Variants in CAPN8 observed in about 807,000 individuals in gnomAD.
The protein encoded by CAPN8 is calpain 8.
In CAPN8, 87 loss-of-function variants were observed where a neutral mutation model predicts 80.9. That is an observed-to-expected ratio of 1.07 (90% CI 0.90 to 1.28). The LOEUF is 1.28. Ranked by LOEUF, CAPN8 falls within the 50% of genes most tolerant of loss-of-function variation. CAPN8 has a pLI of 0.00. For synonymous variants in CAPN8, 299 were observed against 273.8 expected (o/e 1.09, Z -0.91); for missense variants, 757 against 702.0 (o/e 1.08, Z -0.89).
At chr1:223,654,504 C>T (rs757268096) in intron 1 of CAPN8, 105 bp from the exon 2 acceptor site, 2 of 996,644 alleles carry the variant, frequency 2.0e-6, no homozygotes, top group Non-Finnish European at 3.1e-6. Flanking sequence ...GGAAGAAACC[C>T]AGGATTGTCT....
Position 223,612,242 on chromosome 1 carries a change from A to G in CAPN8, c.1323+4T>C, listed in dbSNP as rs1657046947. ...GGAAGGAATCTCTGTCAGCACTCAC[A>G]TACCTCCTTGGGAACCTGTGGGGCA... On this transcript the variant is annotated splice_donor_region_variant and intron_variant, in intron 11 of 20. Transcript: ENST00000366872. 1 of 1,234,260 alleles carries G rather than the reference A, an allele frequency of 8.1e-7. No individual in the cohort carries two copies. Among genetic ancestry groups the G allele is most frequent in the Non-Finnish European group, 1.0e-6 (1 of 988,090 alleles). The allele number at this position is 1,234,260 out of a possible 1,614,324, so 76.5% of individuals were successfully genotyped here.
chr1:223,623,000 G>T, intron 6 of CAPN8, 100 bp from the exon 7 acceptor site: 1 of 886,918 alleles, frequency 1.1e-6, no homozygotes, highest in Non-Finnish European at 1.8e-6. Context: ...TTTTTCAAAT[G>T]TCCCTAAAGG....
chr1:223,619,441 T>A lies in CAPN8; in HGVS notation c.987A>T (p.Ser329=). The stretch of plus-strand genomic sequence containing the variant: ...ACCGAGAGAACTGCCTCACGAAATC[T>A]GAAAGTGACATCCTGGGGCAGAGGC... The part of the protein sequence containing the change: ...VEDGEFWMSL[S]DFVRQFSRLE... Residue 329 remains serine, a synonymous_variant, in exon 9 of 21, where the codon TCA becomes TCT. Coordinates refer to ENST00000366872, the MANE Select transcript of CAPN8 (RefSeq NM_001143962.2). 1 of 1,551,338 alleles carries A rather than the reference T, an allele frequency of 6.4e-7. No individual in the cohort carries two copies. Among genetic ancestry groups the A allele is most frequent in the African/African-American group, 1.4e-5 (1 of 73,038 alleles).
At chr1:223,545,865 C>G (rs1253455160) in intron 16 of CAPN8, among the ~76,000 whole-genome samples, 2 of 144,716 alleles carry the variant, frequency 1.4e-5, no homozygotes, top group Non-Finnish European at 3.0e-5. Flanking sequence ...TCTCTGTCGC[C>G]CAGGCTGGAG....
At chr1:223,653,835 A>G (rs1658405963) in intron 2 of CAPN8, among the ~76,000 whole-genome samples, 1 of 152,210 alleles carries the variant, frequency 6.6e-6, no homozygotes, top group South Asian at 2.1e-4. Flanking sequence ...GGAATATGAT[A>G]AGTTCAGAAA....
At position 223,648,545 on chromosome 1, in the gene CAPN8, G is replaced by A. The variant is rs190960356; in HGVS notation, c.307+5785C>T. 1.4e-3 allele frequency among the ~76,000 whole-genome samples: 217 copies of A among 152,310 alleles called. 3 individuals carry two copies. Among genetic ancestry groups the A allele is most frequent in the Admixed American group, 3.8e-3 (58 of 15,298 alleles). On this transcript the variant is annotated intron_variant, in intron 2 of 20. Transcript: ENST00000366872. The stretch of plus-strand genomic sequence containing the variant: ...CCAGTTACTGACTAGCGGTGTGCAT[G>A]CCAGGCCCCTGTTCCAGGAGCCCAG...
At chr1:223,649,725 A>G (rs1028053225) in intron 2 of CAPN8, among the ~76,000 whole-genome samples, 2 of 152,224 alleles carry the variant, frequency 1.3e-5, no homozygotes, top group African/African-American at 4.8e-5. Context: ...GATTTAGGCT[A>G]TCTGTGTTTT....
chr1:223,654,827 C>G lies in CAPN8; in HGVS notation c.238-428G>C, dbSNP rs986902719. Among the ~76,000 whole-genome samples, 4 of 150,644 alleles carry G rather than the reference C, an allele frequency of 2.7e-5. No individual in the cohort carries two copies. In the East Asian group the frequency reaches 7.8e-4, roughly 29 times the overall value. ...CATAGCTGGGATTACAGGCACGTGC[C>G]ACCACACCCGGCTAATTTTTTTTTT... On this transcript the variant is annotated intron_variant, in intron 1 of 20. Transcript: ENST00000366872.
chr1:223,628,892 A>G (rs1657686669), intron 2 of CAPN8, 112 bp from the exon 3 acceptor site: 1 of 749,712 alleles, frequency 1.3e-6, no homozygotes. Flanking sequence ...TTCCCTTCTG[A>G]GTCAGGTAGA....
chr1:223,542,364 A>G (rs993148716), intron 20 of CAPN8, among the ~76,000 whole-genome samples: 1 of 152,102 alleles, frequency 6.6e-6, no homozygotes, highest in African/African-American at 2.4e-5. Flanking sequence ...GTTCCACACT[A>G]TTGTCCAGGT....
intron 1 of CAPN8, among the ~76,000 whole-genome samples, chr1:223,659,658 T>G (rs184531450): frequency 1.3e-5 from 2 of 152,334 alleles, no homozygotes; most frequent in East Asian, 3.9e-4. Context: ...TCCCATACAT[T>G]GTGTTCATAT....
At chr1:223,544,690 T>C in intron 18 of CAPN8, 82 bp downstream of exon 18, 2 of 1,527,990 alleles carry the variant, frequency 1.3e-6, no homozygotes, top group Non-Finnish European at 8.8e-7. Context: ...ATGATGATCA[T>C]TAGCAATCAT....
rs369818393 is a variant in CAPN8 at position 223,544,919 on chromosome 1, A to T, written c.1834-69T>A. ...GCCCCTGCCAGAACCATCTCCCTCC[A>T]CCACACTGCTTTCTCAAAAGGCCAG... On this transcript the variant is annotated intron_variant, in intron 17 of 20. Coordinates refer to ENST00000366872, the MANE Select transcript of CAPN8 (RefSeq NM_001143962.2). 69 of 1,547,966 alleles carry T rather than the reference A, an allele frequency of 4.5e-5. No homozygotes were observed. The East Asian group carries it at 1.6e-3, about 37-fold the overall frequency.
chr1:223,644,614 G>A (rs1402125493), intron 2 of CAPN8, among the ~76,000 whole-genome samples: 2 of 152,198 alleles, frequency 1.3e-5, no homozygotes, highest in African/African-American at 2.4e-5. Context: ...GGTAAATCCT[G>A]TAAAGAAACC....
At chr1:223,622,521 G>A (rs1017501728) in intron 7 of CAPN8, 6 of 433,734 alleles carry the variant, frequency 1.4e-5, no homozygotes, top group East Asian at 4.5e-5. Context: ...GGACCAGCAC[G>A]GTGCGTCAGG....
chr1:223,615,359 C>T (rs1475541915), intron 10 of CAPN8, among the ~76,000 whole-genome samples: 1 of 152,216 alleles, frequency 6.6e-6, no homozygotes, highest in Non-Finnish European at 1.5e-5. Context: ...CTTGCTTTAA[C>T]ATATCTGTGA....
At chr1:223,544,874 G>T in intron 17 of CAPN8, 24 bp from the exon 18 acceptor site, 2 of 1,551,446 alleles carry the variant, frequency 1.3e-6, no homozygotes, top group Non-Finnish European at 1.7e-6. Flanking sequence ...GAAATCCCAA[G>T]TAGAAAACAA....
intron 2 of CAPN8, among the ~76,000 whole-genome samples, chr1:223,645,723 G>A (rs1270001317): frequency 6.6e-6 from 1 of 152,158 alleles, no homozygotes; most frequent in Non-Finnish European, 1.5e-5. Context: ...AGAGCATCAG[G>A]GACCAAGGTT....
At chr1:223,648,364 A>C (rs1658248139) in intron 2 of CAPN8, among the ~76,000 whole-genome samples, 1 of 152,212 alleles carries the variant, frequency 6.6e-6, no homozygotes, top group Admixed American at 6.5e-5. Context: ...ATCAATGAGT[A>C]GATTTGGCCC....
Sources: gnomAD v4.1 joint callset for allele counts (sites outside exome capture counted in the v4.1 genomes callset) on GRCh38, gnomAD v4.1.1 for gene constraint, MANE v1.5 for transcripts, NCBI Gene and HGNC (gene_info 2026-07-23, HGNC 2026-07-21) for gene names.